Variants in SDK2 observed in about 807,000 individuals in gnomAD.
SDK2 encodes sidekick cell adhesion molecule 2.
In SDK2, 105 loss-of-function variants were observed where a neutral mutation model predicts 253.9. The ratio of observed to expected loss-of-function variants is 0.41; its 90% CI spans 0.35 to 0.49. The LOEUF (loss-of-function observed/expected upper bound fraction) is 0.49. Among genes scored for constraint, SDK2 ranks in the 20% least tolerant of loss-of-function variants. SDK2 has a pLI of 0.06. For synonymous variants in SDK2, 1,249 were observed against 1,234.9 expected (o/e 1.01, Z -0.24); for missense variants, 2,608 against 3,003.0 (o/e 0.87, Z 3.07).
intron 5 of SDK2, among the ~76,000 whole-genome samples, chr17:73,441,197 C>T (rs2063412915): frequency 6.6e-6 from 1 of 152,022 alleles, no homozygotes; most frequent in Non-Finnish European, 1.5e-5. Context: ...GCCACACCCC[C>T]CTCTCCCCAC....
chr17:73,509,983 G>A (rs1031865136), intron 1 of SDK2, among the ~76,000 whole-genome samples: 4 of 150,946 alleles, frequency 2.6e-5, no homozygotes, highest in Admixed American at 1.3e-4. Flanking sequence ...AGAGGAAGGG[G>A]CTAGGGAGGG....
rs2062804420 is a variant in SDK2 at position 73,378,652 on chromosome 17, T to C, written c.4980+525A>G. ...CCAGGCTGGTCTCGAACTCCTGACC[T>C]CAGGTGATCTGCCCGCCTCGGCCTC... On this transcript the variant is annotated intron_variant, in intron 36 of 44. Transcript: ENST00000392650. Among the ~76,000 whole-genome samples, 4 of 152,230 alleles carry C rather than the reference T, an allele frequency of 2.6e-5. No homozygotes were observed. In the South Asian group the frequency reaches 8.3e-4, roughly 32 times the overall value.
At chr17:73,370,833 G>A (rs556826400) in intron 36 of SDK2, among the ~76,000 whole-genome samples, 1 of 152,124 alleles carries the variant, frequency 6.6e-6, no homozygotes, top group South Asian at 2.1e-4. Flanking sequence ...GAAGCTGAGA[G>A]AGGGGAATCG....
At chr17:73,419,340 G>A in intron 15 of SDK2, 34 bp from the exon 16 acceptor site, 1 of 1,602,310 alleles carries the variant, frequency 6.2e-7, no homozygotes. Context: ...CTTAGTCTTG[G>A]GGTCAAACAC....
chr17:73,375,366 G>C (rs533767304), intron 36 of SDK2, among the ~76,000 whole-genome samples: 5 of 141,294 alleles, frequency 3.5e-5, no homozygotes, highest in Admixed American at 7.8e-5. Context: ...CTCCCACCCC[G>C]TTGGCTGGGA....
intron 30 of SDK2, among the ~76,000 whole-genome samples, chr17:73,386,823 C>G (rs1032125285): frequency 6.6e-6 from 1 of 152,228 alleles, no homozygotes; most frequent in Admixed American, 6.5e-5. Flanking sequence ...CATAGCATCC[C>G]GAGAAGGAAA....
At chr17:73,369,349 C>A in intron 36 of SDK2, 1 of 265,982 alleles carries the variant, frequency 3.8e-6, no homozygotes, top group Non-Finnish European at 8.0e-6. Context: ...ACCCCGGGCC[C>A]GCTGCACCAG....
intron 24 of SDK2, among the ~76,000 whole-genome samples, chr17:73,396,186 T>C (rs1402936760): frequency 1.3e-5 from 2 of 152,170 alleles, no homozygotes; most frequent in African/African-American, 4.8e-5. Context: ...CTCCTCCTTC[T>C]TGTTTGAGTC....
chr17:73,470,290 A>T (rs1567791580), intron 3 of SDK2, among the ~76,000 whole-genome samples: 1 of 143,796 alleles, frequency 7.0e-6, no homozygotes, highest in African/African-American at 2.6e-5. Context: ...CATGCATGCA[A>T]ACACACACAC....
intron 18 of SDK2, among the ~76,000 whole-genome samples, chr17:73,406,009 C>T (rs1030254688): frequency 6.6e-6 from 1 of 152,134 alleles, no homozygotes; most frequent in African/African-American, 2.4e-5. Flanking sequence ...AGGCATGAGC[C>T]ACCGTGCCCG....
intron 1 of SDK2, chr17:73,513,746 A>C (rs1477466061): frequency 2.0e-5 from 3 of 152,232 alleles, no homozygotes; most frequent in African/African-American, 7.2e-5. Context: ...AAACAACAGA[A>C]TTCTGTGCAG....
chr17:73,471,092 G>A (rs985323383), intron 3 of SDK2, among the ~76,000 whole-genome samples: 2 of 152,088 alleles, frequency 1.3e-5, no homozygotes, highest in Admixed American at 6.5e-5. Context: ...TTGGCGGCAC[G>A]GGGGAGAAGG....
At chr17:73,441,196 C>A (rs894178727) in intron 5 of SDK2, among the ~76,000 whole-genome samples, 1 of 151,984 alleles carries the variant, frequency 6.6e-6, no homozygotes, top group Non-Finnish European at 1.5e-5. Context: ...AGCCACACCC[C>A]CCTCTCCCCA....
At chr17:73,512,779 G>T (rs2063991494) in intron 1 of SDK2, among the ~76,000 whole-genome samples, 1 of 152,150 alleles carries the variant, frequency 6.6e-6, no homozygotes, top group South Asian at 2.1e-4. Context: ...TAGTCCGGGA[G>T]TCTAGAAATA....
intron 39 of SDK2, among the ~76,000 whole-genome samples, chr17:73,360,390 G>T (rs988919697): frequency 6.6e-6 from 1 of 152,218 alleles, no homozygotes; most frequent in Admixed American, 6.5e-5. Context: ...GGCTAATTGG[G>T]ACTGCTGGGG....
At chr17:73,376,459 G>A (rs756830151) in intron 36 of SDK2, among the ~76,000 whole-genome samples, 13 of 152,144 alleles carry the variant, frequency 8.5e-5, no homozygotes, top group Non-Finnish European at 1.3e-4. Context: ...TATCAGCTTC[G>A]GTGTGCTCAT....
rs1326383866 is a variant in SDK2 at position 73,335,109 on chromosome 17, GATGGACAGA to G, written c.*3469_*3477del. 1.4e-4 allele frequency: 22 copies of G among 152,814 alleles called. No homozygotes were observed. The highest frequency in any genetic ancestry group is 1.4e-3 in the Admixed American group (22 of 15,302). The allele number at this position is 152,814 out of a possible 1,614,324, so 9.5% of individuals were successfully genotyped here. The stretch of plus-strand genomic sequence containing the variant: ...GAGTTTTGGGGGCCGGGGGGTGAGG[GATGGACAGA>G]AGGGGAGGCAGCCTGGGTTTGCAAA... On this transcript the variant is annotated 3_prime_UTR_variant, in exon 45 of 45. Coordinates refer to ENST00000392650, the MANE Select transcript of SDK2 (RefSeq NM_001144952.2).
chr17:73,466,096 G>A (rs1423869792), intron 3 of SDK2, among the ~76,000 whole-genome samples: 2 of 152,180 alleles, frequency 1.3e-5, no homozygotes, highest in Non-Finnish European at 2.9e-5. Flanking sequence ...TGCAAGTACG[G>A]GGTGAGCACT....
intron 44 of SDK2, among the ~76,000 whole-genome samples, 185 bp downstream of exon 44, chr17:73,348,414 G>A (rs537954446): frequency 7.9e-4 from 121 of 152,334 alleles, no homozygotes; most frequent in Non-Finnish European, 1.5e-3. Context: ...GGCACTGGCC[G>A]CAAACTTTGA....
Sources: gnomAD v4.1 joint callset for allele counts (sites outside exome capture counted in the v4.1 genomes callset) on GRCh38, gnomAD v4.1.1 for gene constraint, MANE v1.5 for transcripts, NCBI Gene and HGNC (gene_info 2026-07-23, HGNC 2026-07-21) for gene names.